PPP1R9A: variants seen among roughly 807,000 people sequenced by gnomAD.
PPP1R9A encodes protein phosphatase 1 regulatory subunit 9A.
A neutral mutation model predicts 141.9 loss-of-function variants in PPP1R9A; 59 were observed. The ratio of observed to expected loss-of-function variants is 0.42; its 90% confidence interval spans 0.34 to 0.52. The LOEUF (loss-of-function observed/expected upper bound fraction) is 0.52, where lower values mean the gene tolerates loss of function less well. Among genes scored for constraint, PPP1R9A ranks in the 20% least tolerant of loss-of-function variants. The pLI, the probability that PPP1R9A is intolerant of heterozygous loss-of-function variation, is 0.10. For synonymous variants in PPP1R9A, 500 were observed against 569.7 expected, an observed-to-expected ratio of 0.88 and a Z score of 1.74; for missense variants, 1,444 against 1,611.9, an observed-to-expected ratio of 0.90 and a Z score of 1.78.
At chr7:95,134,595 C>G (rs925392743) in intron 4 of PPP1R9A, among the ~76,000 whole-genome samples, 2 of 152,048 alleles carry the variant, frequency 1.3e-5, no homozygotes, top group African/African-American at 4.8e-5. Flanking sequence ...ACCACTACGC[C>G]CAGCTAGTTT....
At chr7:94,973,750 G>T (rs1030258481) in intron 2 of PPP1R9A, among the ~76,000 whole-genome samples, 1 of 141,150 alleles carries the variant, frequency 7.1e-6, no homozygotes, top group South Asian at 2.2e-4. Context: ...AAAATGTCTC[G>T]CTCTATTGCC....
chr7:95,168,027 C>G (rs1831536295), intron 5 of PPP1R9A, among the ~76,000 whole-genome samples: 1 of 151,948 alleles, frequency 6.6e-6, no homozygotes, highest in Non-Finnish European at 1.5e-5. Context: ...TCATTTTTCA[C>G]AGAAATAGAA....
rs759943160 is a variant in PPP1R9A at position 95,225,990 on chromosome 7, A to T, written c.1986A>T (p.Glu662Asp). The change falls in exon 8 of 20, where the codon GAA becomes GAT. Residue 662 changes from glutamate (E) to aspartate (D), a missense_variant. Coordinates refer to ENST00000433360, the MANE Select transcript of PPP1R9A (RefSeq NM_001166160.2). ...GAGAATATGCCACAGATGAAGAAGA[A>T]GATGAGGTAGGACCTGTCCTTCCTG... ...KTGEYATDEE[E>D]DEVGPVLPGS... 2 of 1,611,400 alleles carry T rather than the reference A, an allele frequency of 1.2e-6. No homozygotes were observed. The highest frequency in any genetic ancestry group is 3.3e-5 in the Admixed American group (2 of 59,932).
intron 2 of PPP1R9A, among the ~76,000 whole-genome samples, chr7:95,070,995 G>A (rs904079768): frequency 1.3e-5 from 2 of 151,816 alleles, no homozygotes; most frequent in Non-Finnish European, 1.5e-5. Flanking sequence ...ATATCAAGGG[G>A]AAAAAGAGGA....
intron 8 of PPP1R9A, among the ~76,000 whole-genome samples, chr7:95,245,644 GT>G (rs1254866654): frequency 2.6e-5 from 4 of 152,148 alleles, no homozygotes; most frequent in Admixed American, 2.6e-4. Flanking sequence ...GAGCAGCACT[GT>G]TGTGTCTTTA....
chr7:95,154,154 G>A (rs535084491), intron 4 of PPP1R9A, among the ~76,000 whole-genome samples: 1 of 151,296 alleles, frequency 6.6e-6, no homozygotes, highest in Admixed American at 6.6e-5. Context: ...GAGTTTATGG[G>A]TATCAACTTT....
At chr7:95,249,745 AT>A (rs1168950686) in intron 9 of PPP1R9A, among the ~76,000 whole-genome samples, 1 of 152,196 alleles carries the variant, frequency 6.6e-6, no homozygotes, top group Non-Finnish European at 1.5e-5. Flanking sequence ...TGCTCACAGA[AT>A]TTCAGATCAC....
At chr7:95,114,329 A>G (rs905474384) in intron 3 of PPP1R9A, among the ~76,000 whole-genome samples, 3 of 152,204 alleles carry the variant, frequency 2.0e-5, no homozygotes, top group African/African-American at 7.2e-5. Flanking sequence ...AAAATTAAAT[A>G]GCATATTGTT....
chr7:95,179,124 A>G (rs1380398157), intron 5 of PPP1R9A, among the ~76,000 whole-genome samples: 4 of 152,202 alleles, frequency 2.6e-5, no homozygotes, highest in Admixed American at 2.6e-4. Flanking sequence ...AAAATCCTTA[A>G]CAAAATACTA....
intron 2 of PPP1R9A, among the ~76,000 whole-genome samples, chr7:94,944,566 A>T (rs1450719708): frequency 6.6e-6 from 1 of 151,568 alleles, no homozygotes; most frequent in African/African-American, 2.4e-5. Flanking sequence ...TTTCTTATAA[A>T]ACTGTAGAGT....
At chr7:94,985,309 G>A (rs927022234) in intron 2 of PPP1R9A, among the ~76,000 whole-genome samples, 1 of 152,158 alleles carries the variant, frequency 6.6e-6, no homozygotes, top group Non-Finnish European at 1.5e-5. Flanking sequence ...GTTGATTTGG[G>A]GTGGAGAGTT....
chr7:95,104,639 C>T (rs965349715), intron 2 of PPP1R9A, among the ~76,000 whole-genome samples: 1 of 152,174 alleles, frequency 6.6e-6, no homozygotes, highest in Non-Finnish European at 1.5e-5. Flanking sequence ...ACCTAACATA[C>T]TCCCGGGCAC....
intron 14 of PPP1R9A, among the ~76,000 whole-genome samples, chr7:95,269,911 C>T (rs919716022): frequency 3.3e-5 from 5 of 152,106 alleles, no homozygotes; most frequent in Admixed American, 6.6e-5. Flanking sequence ...GAAAAAAAGA[C>T]GAAGATCAAA....
At chr7:95,225,156 A>G (rs1794967119) in intron 7 of PPP1R9A, among the ~76,000 whole-genome samples, 1 of 152,114 alleles carries the variant, frequency 6.6e-6, no homozygotes, top group Admixed American at 6.6e-5. Flanking sequence ...AGTGAAGCTA[A>G]CAATATAGAA....
At chr7:94,937,589 A>C (rs1794904302) in intron 2 of PPP1R9A, among the ~76,000 whole-genome samples, 1 of 152,102 alleles carries the variant, frequency 6.6e-6, no homozygotes, top group South Asian at 2.1e-4. Context: ...TACATTTCAG[A>C]AGCTTGTCAT....
chr7:95,263,412 TTTG>T (rs1207098255), intron 12 of PPP1R9A, among the ~76,000 whole-genome samples: 1 of 112,122 alleles, frequency 8.9e-6, no homozygotes, highest in Admixed American at 9.0e-5. Context: ...ATCTTTCCAG[TTTG>T]TTGTTGTTGT....
At chr7:95,177,732 CA>C (rs1032939529) in intron 5 of PPP1R9A, among the ~76,000 whole-genome samples, 6 of 151,772 alleles carry the variant, frequency 4.0e-5, no homozygotes, top group African/African-American at 7.3e-5. Context: ...GCTATTCTTA[CA>C]AAAGACAAAA....
At chr7:95,223,694 C>T (rs1261121906) in intron 7 of PPP1R9A, among the ~76,000 whole-genome samples, 2 of 151,958 alleles carry the variant, frequency 1.3e-5, no homozygotes, top group East Asian at 3.9e-4. Context: ...ATTGTTAGGG[C>T]TTAGTCATAC....
intron 2 of PPP1R9A, among the ~76,000 whole-genome samples, chr7:94,919,301 ATTTTTTTT>A (rs757456894): frequency 2.4e-4 from 25 of 106,168 alleles, no homozygotes; most frequent in African/African-American, 5.7e-4. Flanking sequence ...GGATAATTAC[ATTTTTTTT>A]TTTTTTTTTT....
Sources: allele counts gnomAD v4.1 joint callset (sites outside exome capture counted in the v4.1 genomes callset), GRCh38; gene constraint gnomAD v4.1.1; transcripts MANE v1.5; gene names NCBI Gene and HGNC (gene_info 2026-07-23, HGNC 2026-07-21).